Variants in PSMG2 observed in about 807,000 individuals in gnomAD.
PSMG2 encodes CD40 ligand-activated specific transcript 3.
Under a neutral mutation model 31.5 loss-of-function variants are expected in PSMG2, and 21 were observed. The ratio of observed to expected loss-of-function variants is 0.67; its 90% CI spans 0.47 to 0.96. The LOEUF (loss-of-function observed/expected upper bound fraction) is 0.96, where lower values mean the gene tolerates loss of function less well. Among genes scored for constraint, PSMG2 ranks in the 40% least tolerant of loss-of-function variants. The pLI is 0.00. For synonymous variants in PSMG2, 120 were observed against 110.4 expected, an observed-to-expected ratio of 1.09 and a Z score of -0.54; for missense variants, 318 against 321.2, an observed-to-expected ratio of 0.99 and a Z score of 0.08.
upstream of PSMG2, chr18:12,699,919 A>G (rs780628049): frequency 3.0e-5 from 45 of 1,502,044 alleles, no homozygotes; most frequent in Non-Finnish European, 4.1e-5. Flanking sequence ...GAAAGGCAGG[A>G]AAAAAAAATC....
intron 3 of PSMG2, among the ~76,000 whole-genome samples, chr18:12,716,947 AC>A (rs2040382090): frequency 9.1e-6 from 1 of 110,078 alleles, no homozygotes; most frequent in South Asian, 2.9e-4. Flanking sequence ...TTTTTCTTTT[AC>A]TTTTTTTTTT....
At chr18:12,715,039 A>G in intron 3 of PSMG2, among the ~76,000 whole-genome samples, 1 of 143,116 alleles carries the variant, frequency 7.0e-6, no homozygotes, top group East Asian at 2.1e-4. Context: ...GCAGAGTTTT[A>G]CTCTTGTCAC....
chr18:12,705,385 A>G (rs2040254329), intron 1 of PSMG2, among the ~76,000 whole-genome samples: 1 of 152,078 alleles, frequency 6.6e-6, no homozygotes, highest in African/African-American at 2.4e-5. Flanking sequence ...AATACAAAAT[A>G]TGGGGAAAAA....
chr18:12,691,880 T>C (rs1275202383), intron 1 of PSMG2, among the ~76,000 whole-genome samples: 1 of 152,028 alleles, frequency 6.6e-6, no homozygotes, highest in East Asian at 1.9e-4. Context: ...CACACTCAGC[T>C]AAATTTTTTT....
chr18:12,715,960 A>G (rs913796256), intron 3 of PSMG2, among the ~76,000 whole-genome samples: 1 of 152,242 alleles, frequency 6.6e-6, no homozygotes, highest in Non-Finnish European at 1.5e-5. Context: ...GGACCCCATA[A>G]TGCGTCCTAG....
chr18:12,696,189 C>T (rs926551180), intron 1 of PSMG2, among the ~76,000 whole-genome samples: 1 of 152,126 alleles, frequency 6.6e-6, no homozygotes, highest in South Asian at 2.1e-4. Context: ...AAGAAAAATA[C>T]ATTCTTGGTA....
intron 1 of PSMG2, among the ~76,000 whole-genome samples, chr18:12,681,619 T>G (rs950440443): frequency 6.6e-6 from 1 of 151,890 alleles, no homozygotes; most frequent in African/African-American, 2.4e-5. Flanking sequence ...CAGCAAGAAA[T>G]GCAAATAAAT....
At chr18:12,673,224 C>A in intron 1 of PSMG2, 2 of 1,359,470 alleles carry the variant, frequency 1.5e-6, no homozygotes, top group African/African-American at 1.5e-5. Context: ...TAAACATTAC[C>A]AGTCAAGTAT....
At chr18:12,695,253 C>T (rs561154281) in intron 1 of PSMG2, 13 of 1,376,156 alleles carry the variant, frequency 9.4e-6, no homozygotes, top group Non-Finnish European at 1.3e-5. Flanking sequence ...TAAGTATTTA[C>T]CTGTGTGTTC....
chr18:12,721,805 G>T (rs1396237805), intron 5 of PSMG2, among the ~76,000 whole-genome samples: 2 of 151,204 alleles, frequency 1.3e-5, no homozygotes, highest in African/African-American at 4.9e-5. Context: ...TCTTTTCCAA[G>T]GTGTAAACTT....
intron 3 of PSMG2, among the ~76,000 whole-genome samples, chr18:12,717,646 G>A (rs746690209): frequency 3.9e-5 from 6 of 152,200 alleles, no homozygotes; most frequent in Admixed American, 6.5e-5. Context: ...CAGCTGTTCC[G>A]AAAGTATCCT....
At chr18:12,702,623 G>T (rs1296624875), upstream of PSMG2, 2 of 1,479,334 alleles carry the variant, frequency 1.4e-6, no homozygotes, top group East Asian at 5.1e-5. Flanking sequence ...CCGGGCCAGG[G>T]AGCGTTAGGA....
Position 12,691,264 on chromosome 18 carries a change from G to C in PSMG2, c.-36-15286G>C, listed in dbSNP as rs1460970894. The C allele has an allele frequency of 5.2e-6, 4 of 764,840 alleles. No homozygotes were observed. The African/African-American group carries it at 7.3e-5, about 14-fold the overall frequency. 47.4% of individuals were successfully genotyped at this position (764,840 alleles called of 1,614,324 possible). ...TTTACAAATACACTTTTATTTTTTG[G>C]AATACATTTTACAAATAAATATTAA... On this transcript the variant is annotated intron_variant, in intron 1 of 6. Coordinates refer to the PSMG2 transcript ENST00000585331.
At chr18:12,698,535 A>T (rs2040041134), upstream of PSMG2, among the ~76,000 whole-genome samples, 1 of 152,124 alleles carries the variant, frequency 6.6e-6, no homozygotes, top group Non-Finnish European at 1.5e-5. Flanking sequence ...CCTGGCTTCA[A>T]ATGATTCTCT....
chr18:12,695,283 T>G (rs1245484496), intron 1 of PSMG2: 1 of 1,560,732 alleles, frequency 6.4e-7, no homozygotes, highest in Admixed American at 1.7e-5. Flanking sequence ...TGAGATAACG[T>G]TTGATTGAGT....
At chr18:12,676,300 T>TG in intron 1 of PSMG2, among the ~76,000 whole-genome samples, 1 of 149,344 alleles carries the variant, frequency 6.7e-6, no homozygotes, top group Middle Eastern at 3.2e-3. Context: ...TTTTTTTTTT[T>TG]TGAGACAGGG....
intron 3 of PSMG2, among the ~76,000 whole-genome samples, chr18:12,713,394 A>G (rs1430957193): frequency 6.6e-6 from 1 of 152,212 alleles, no homozygotes; most frequent in African/African-American, 2.4e-5. Flanking sequence ...CCAAGGAGAC[A>G]GGAGTCGACC....
At chr18:12,691,049 C>T (rs577456183) in intron 1 of PSMG2, among the ~76,000 whole-genome samples, 2 of 151,278 alleles carry the variant, frequency 1.3e-5, no homozygotes, top group African/African-American at 4.9e-5. Context: ...CCAAGTTAAA[C>T]AAAATGGATT....
chr18:12,669,358 C>T (rs909711447), intron 1 of PSMG2, among the ~76,000 whole-genome samples: 4 of 151,880 alleles, frequency 2.6e-5, no homozygotes, highest in Non-Finnish European at 2.9e-5. Context: ...GTGATCCGCC[C>T]GCCTTGGCCT....
Sources: gnomAD v4.1 joint callset for allele counts (sites outside exome capture counted in the v4.1 genomes callset) on GRCh38, gnomAD v4.1.1 for gene constraint, MANE v1.5 for transcripts, NCBI Gene and HGNC (gene_info 2026-07-23, HGNC 2026-07-21) for gene names.